Variants in RPRD1A observed in about 807,000 individuals in gnomAD.
The protein encoded by RPRD1A is regulation of nuclear pre-mRNA domain-containing protein 1A.
Under a neutral mutation model 37.8 loss-of-function variants are expected in RPRD1A, and 9 were observed. The ratio of observed to expected loss-of-function variants is 0.24; its 90% confidence interval spans 0.14 to 0.42. The LOEUF is 0.42. Ranked by LOEUF, RPRD1A falls within the 10% of genes least tolerant of loss-of-function variation. The pLI, the probability that RPRD1A is intolerant of heterozygous loss-of-function variation, is 1.00. For missense variants in RPRD1A, 255 were observed against 371.0 expected, an observed-to-expected ratio of 0.69 and a Z score of 2.57; for synonymous variants, 138 against 139.7, an observed-to-expected ratio of 0.99 and a Z score of 0.08.
chr18:36,045,049 G>C (rs1292931853), intron 1 of RPRD1A, among the ~76,000 whole-genome samples: 1 of 152,082 alleles, frequency 6.6e-6, no homozygotes, highest in East Asian at 1.9e-4. Flanking sequence ...AGATGAGCCT[G>C]GGCAACGTGA....
chr18:36,063,673 G>T (rs2088959752), intron 1 of RPRD1A, among the ~76,000 whole-genome samples: 1 of 152,174 alleles, frequency 6.6e-6, no homozygotes, highest in Non-Finnish European at 1.5e-5. Flanking sequence ...ATAACTAAAA[G>T]AATGTCTGGT....
At chr18:36,025,314 A>G (rs115438143) in intron 6 of RPRD1A, 4,060 of 226,932 alleles carry the variant, frequency 0.018, 194 homozygotes, top group African/African-American at 0.087. Flanking sequence ...TGAGTTGCTT[A>G]TGTGAAGTGC....
intron 6 of RPRD1A, among the ~76,000 whole-genome samples, chr18:36,015,201 CACAT>C (rs1202164330): frequency 1.1e-4 from 15 of 135,616 alleles, no homozygotes; most frequent in African/African-American, 2.8e-4. Context: ...CACACACACA[CACAT>C]TCACATACTT....
chr18:36,058,258 G>T (rs2144409011), intron 1 of RPRD1A, among the ~76,000 whole-genome samples: 1 of 152,108 alleles, frequency 6.6e-6, no homozygotes, highest in East Asian at 1.9e-4. Context: ...ACCCAGGCTG[G>T]TCTCAAACTC....
intron 6 of RPRD1A, among the ~76,000 whole-genome samples, chr18:36,007,074 C>A (rs536413243): frequency 2.0e-3 from 300 of 152,158 alleles, no homozygotes; most frequent in African/African-American, 7.1e-3. Flanking sequence ...CCCTTGCCAC[C>A]CTGTGTTTTA....
chr18:36,018,569 A>G (rs1377535999), intron 6 of RPRD1A, among the ~76,000 whole-genome samples: 1 of 152,140 alleles, frequency 6.6e-6, no homozygotes, highest in African/African-American at 2.4e-5. Context: ...CACCGCTCCC[A>G]GCCCCAAGTT....
intron 6 of RPRD1A, among the ~76,000 whole-genome samples, chr18:36,003,531 A>T (rs1909549535): frequency 6.6e-6 from 1 of 152,218 alleles, no homozygotes; most frequent in South Asian, 2.1e-4. Context: ...CAACGGTCTG[A>T]CCTGTCAAGT....
At position 36,011,848 on chromosome 18, in the gene RPRD1A, T is replaced by C. The variant is rs374457258; in HGVS notation, c.789+15052A>G. On this transcript the variant is annotated intron_variant, in intron 6 of 6. Coordinates refer to ENST00000399022, the MANE Select transcript of RPRD1A (RefSeq NM_018170.5). ...TGTAAGAGTCCACCCTTGTCTACAA[T>C]TTCACCTTCCATGATTTCAGTTACC... 7.2e-5 allele frequency among the ~76,000 whole-genome samples: 11 copies of C among 152,324 alleles called. No individual in the cohort carries two copies. In the East Asian group the frequency reaches 1.5e-3, roughly 21 times the overall value.
intron 6 of RPRD1A, among the ~76,000 whole-genome samples, chr18:36,008,577 G>GTGTGTGTATATATATATATATATATA: frequency 0.011 from 540 of 47,744 alleles, 69 homozygotes; most frequent in African/African-American, 0.032. Flanking sequence ...CCTTGTGTGT[G>GTGTGTGTATATATATATATATATATA]TATATATATA....
At chr18:36,004,308 G>A (rs1909605157) in intron 6 of RPRD1A, among the ~76,000 whole-genome samples, 1 of 152,024 alleles carries the variant, frequency 6.6e-6, no homozygotes, top group Non-Finnish European at 1.5e-5. Context: ...TGGCTGAAAT[G>A]CAGTGGTGCA....
chr18:36,012,497 C>T (rs1910241543), intron 6 of RPRD1A, among the ~76,000 whole-genome samples: 1 of 152,162 alleles, frequency 6.6e-6, no homozygotes, highest in Non-Finnish European at 1.5e-5. Context: ...ACAGTATTCA[C>T]AACAGTAACA....
chr18:36,007,180 C>A (rs1187441864), intron 6 of RPRD1A, among the ~76,000 whole-genome samples: 3 of 152,232 alleles, frequency 2.0e-5, no homozygotes, highest in East Asian at 3.8e-4. Flanking sequence ...CCAACTTTCA[C>A]ACAAAGTCCA....
chr18:36,009,019 A>G (rs4799408), intron 6 of RPRD1A, among the ~76,000 whole-genome samples: 41,565 of 151,956 alleles, frequency 0.27, 6,140 homozygotes, highest in African/African-American at 0.4. Flanking sequence ...AACTCTAGAT[A>G]TTCAGGCATT....
chr18:35,997,295 C>T (rs1013839268), intron 6 of RPRD1A, among the ~76,000 whole-genome samples: 3 of 152,070 alleles, frequency 2.0e-5, no homozygotes, highest in Admixed American at 6.6e-5. Flanking sequence ...CTACTATTTT[C>T]GGACCATGTA....
At chr18:36,025,729 G>T in intron 6 of RPRD1A, 1 of 985,884 alleles carries the variant, frequency 1.0e-6, no homozygotes, top group Non-Finnish European at 1.4e-6. Context: ...AAAGACTAAA[G>T]ACAAAAATTG....
At chr18:36,047,745 AAAT>A (rs1250176122) in intron 1 of RPRD1A, among the ~76,000 whole-genome samples, 7 of 152,232 alleles carry the variant, frequency 4.6e-5, no homozygotes, top group Admixed American at 2.0e-4. Context: ...CCACTTCCTC[AAAT>A]AATACAAGCT....
chr18:35,995,510 C>G (rs1355429841), intron 6 of RPRD1A, among the ~76,000 whole-genome samples: 1 of 152,122 alleles, frequency 6.6e-6, no homozygotes, highest in African/African-American at 2.4e-5. Context: ...TCAGGAGATC[C>G]ACCTGCCTTG....
Position 36,027,265 on chromosome 18 carries a change from A to C in RPRD1A, c.532T>G (p.Ser178Ala). 1.9e-6 allele frequency: 3 copies of C among 1,613,874 alleles called. No individual in the cohort carries two copies. Among genetic ancestry groups the C allele is most frequent in the Non-Finnish European group, 2.5e-6 (3 of 1,179,788 alleles). ...RALQDLENAA[S>A]GDAAVHQRIA... ...CTCTGATGAACTGCTGCATCACCTG[A>C]GGCTGCATTTTCCAGATCTTGTAAT... Residue 178 changes from serine (S) to alanine (A), a missense_variant, in exon 5 of 7, where the codon TCA (serine) becomes GCA (alanine). Ser to Ala is a moderately conservative substitution (Grantham distance 99). Around this residue, in one of 2 missense-constraint regions of RPRD1A, gnomAD observed 211 missense variants for 268.9 expected, o/e 0.78. Transcript: ENST00000399022.
intron 1 of RPRD1A, among the ~76,000 whole-genome samples, chr18:36,049,864 G>C (rs1294298753): frequency 6.6e-6 from 1 of 152,152 alleles, no homozygotes; most frequent in Non-Finnish European, 1.5e-5. Flanking sequence ...CACGGTAATA[G>C]TATGTTTAAA....
Sources: gnomAD v4.1 joint callset for allele counts (sites outside exome capture counted in the v4.1 genomes callset) on GRCh38, gnomAD v4.1.1 for gene constraint, gnomAD v4.1.1 regional missense constraint, MANE v1.5 for transcripts, NCBI Gene and HGNC (gene_info 2026-07-23, HGNC 2026-07-21) for gene names.